Variants in RPS3 observed in about 807,000 individuals in gnomAD.
RPS3 encodes small ribosomal subunit protein uS3.
Under a neutral mutation model 25.8 loss-of-function variants are expected in RPS3, and 2 were observed. The observed-to-expected ratio is 0.08, with a 90% confidence interval of 0.03 to 0.24. The LOEUF is 0.24. RPS3 is among the 10% of genes least tolerant of loss of function. The pLI, the probability that RPS3 is intolerant of heterozygous loss-of-function variation, is 1.00. For missense variants in RPS3, 107 were observed against 307.1 expected (o/e 0.35, Z 4.87); for synonymous variants, 114 against 114.2 (o/e 1.00, Z 0.01).
At chr11:75,417,765 A>G (rs1948411434) in intron 6 of RPS3, among the ~76,000 whole-genome samples, 1 of 152,176 alleles carries the variant, frequency 6.6e-6, no homozygotes, top group Admixed American at 6.5e-5. Flanking sequence ...TCACAGCCCC[A>G]GGCCCTTGCT....
chr11:75,415,677 G>A (rs1948389640), intron 6 of RPS3, among the ~76,000 whole-genome samples: 1 of 152,090 alleles, frequency 6.6e-6, no homozygotes, highest in Non-Finnish European at 1.5e-5. Flanking sequence ...TTGGTGGTGG[G>A]TGCCTGTAAT....
chr11:75,410,543 G>A (rs1284101032), downstream of RPS3, among the ~76,000 whole-genome samples: 1 of 151,858 alleles, frequency 6.6e-6, no homozygotes, highest in African/African-American at 2.4e-5. Flanking sequence ...TATCCCAGAC[G>A]ATGGGCGGCC....
downstream of RPS3, among the ~76,000 whole-genome samples, chr11:75,408,489 A>AC (rs1565166265): frequency 3.6e-4 from 51 of 141,488 alleles, no homozygotes; most frequent in Non-Finnish European, 6.5e-4. Context: ...ATAAAAAAAA[A>AC]ACCCAGATTT....
downstream of RPS3, among the ~76,000 whole-genome samples, chr11:75,407,541 T>G (rs1055970903): frequency 3.9e-5 from 6 of 152,106 alleles, no homozygotes; most frequent in Non-Finnish European, 7.4e-5. Flanking sequence ...GCGCGATCTC[T>G]GCTCACTGCA....
At chr11:75,405,586 C>CT (rs1475023751) in intron 6 of RPS3, 28 bp from the exon 7 acceptor site, 1 of 454,626 alleles carries the variant, frequency 2.2e-6, no homozygotes, top group African/African-American at 2.0e-5. Flanking sequence ...GGTAAAGTTT[C>CT]TTACTTTTGT....
Position 75,404,267 on chromosome 11 carries a change from CATCTT to C in RPS3, c.538+62_538+66del. 6.8e-7 allele frequency: 1 copy of C among 1,470,124 alleles called. No individual in the cohort carries two copies. Among genetic ancestry groups the C allele is most frequent in the Non-Finnish European group, 9.4e-7 (1 of 1,060,814 alleles). 91.1% of individuals were successfully genotyped at this position (1,470,124 alleles called of 1,614,324 possible). ...GTGGACAGATTTGGTTTTCCACAGA[CATCTT>C]AAGTATTTGGGGGAGTTTATCATGG... is the stretch of plus-strand genomic sequence containing the variant. On this transcript the variant is annotated intron_variant, in intron 5 of 6. Transcript: ENST00000531188. This position sits in a 1 kb window ranked among gnomAD's most constrained non-coding sequence, Gnocchi z 4.6.
intron 6 of RPS3, among the ~76,000 whole-genome samples, chr11:75,415,757 T>C (rs1347368574): frequency 1.4e-5 from 2 of 143,380 alleles, no homozygotes; most frequent in Non-Finnish European, 3.0e-5. Context: ...GGTGAGCCGA[T>C]ATCGTGCCAC....
intron 6 of RPS3, among the ~76,000 whole-genome samples, chr11:75,414,914 CT>C (rs771946549): frequency 2.6e-5 from 4 of 152,326 alleles, no homozygotes; most frequent in Middle Eastern, 3.4e-3. Context: ...CAGACAGAAG[CT>C]GGGCTGGCAA....
At chr11:75,413,608 T>C (rs1948375234) in intron 6 of RPS3, among the ~76,000 whole-genome samples, 1 of 152,178 alleles carries the variant, frequency 6.6e-6, no homozygotes, top group South Asian at 2.1e-4. Context: ...ACTGAATGTG[T>C]GTATTTTTAT....
At chr11:75,401,940 G>C (rs1248634247) in intron 3 of RPS3, 7 of 577,308 alleles carry the variant, frequency 1.2e-5, no homozygotes, top group Non-Finnish European at 2.2e-5. Context: ...CTTGGGTATA[G>C]AAATGATGCA....
At chr11:75,411,341 C>G (rs534281199), downstream of RPS3, among the ~76,000 whole-genome samples, 28 of 151,604 alleles carry the variant, frequency 1.8e-4, no homozygotes, top group Non-Finnish European at 3.5e-4. Context: ...TAATTGCCTC[C>G]CTAGACAGTA....
intron 1 of RPS3, 42 bp from the exon 2 acceptor site, chr11:75,400,652 A>G: frequency 1.2e-6 from 2 of 1,604,308 alleles, no homozygotes; most frequent in Non-Finnish European, 1.7e-6. Context: ...AAGTGAGCCT[A>G]CACCGATCTC....
At chr11:75,420,182 G>A (rs1036796633) in intron 6 of RPS3, among the ~76,000 whole-genome samples, 13 of 152,176 alleles carry the variant, frequency 8.5e-5, no homozygotes, top group Non-Finnish European at 1.8e-4. Context: ...TGGACTGAGT[G>A]TCCAAAGTGC....
downstream of RPS3, among the ~76,000 whole-genome samples, chr11:75,409,204 T>C: frequency 6.7e-6 from 1 of 149,658 alleles, no homozygotes; most frequent in Non-Finnish European, 1.5e-5. Flanking sequence ...TTTATTTTTT[T>C]ATTGATCATT....
At chr11:75,399,637 G>A in intron 1 of RPS3, 60 bp downstream of exon 1, 1 of 1,498,502 alleles carries the variant, frequency 6.7e-7, no homozygotes. Flanking sequence ...AGGGCTTCTC[G>A]GGGTGCCACC....
intron 3 of RPS3, chr11:75,401,936 T>G (rs888811537): frequency 1.7e-6 from 1 of 577,480 alleles, no homozygotes; most frequent in Non-Finnish European, 3.1e-6. Context: ...TCAACTTGGG[T>G]ATAGAAATGA....
In RPS3 at chr11:75,404,725, A is replaced by G; in HGVS notation, c.592A>G (p.Ile198Val). The change falls in exon 6 of 7, where the codon ATT (isoleucine) becomes GTT (valine). Residue 198 changes from isoleucine to valine, a missense_variant. Physicochemically the swap from Ile to Val is conservative, Grantham distance 29. Coordinates refer to ENST00000531188, the MANE Select transcript of RPS3 (RefSeq NM_001005.5). The surrounding 1 kb of genome is among the most constrained non-coding windows in gnomAD (Gnocchi z 4.6). ...GCTGCCCTGGGACCCAACTGGTAAGATTGGCCCTAAGAAGCCCCTGCCTGA... is the reference window on the plus strand; with the variant it reads ...GCTGCCCTGGGACCCAACTGGTAAGGTTGGCCCTAAGAAGCCCCTGCCTGA... Reference protein sequence around the residue: ...IMLPWDPTGKIGPKKPLPDHV... With the variant: ...IMLPWDPTGKVGPKKPLPDHV... The G allele has an allele frequency of 3.1e-6, 5 of 1,613,444 alleles. No individual in the cohort carries two copies. Among genetic ancestry groups the G allele is most frequent in the Non-Finnish European group, 4.2e-6 (5 of 1,179,994 alleles).
At position 75,406,676 on chromosome 11, in the gene RPS3, C is replaced by G. The variant is rs1327832054; in HGVS notation, c.*1066C>G. On this transcript the variant is annotated 3_prime_UTR_variant, in exon 7 of 7. Transcript: ENST00000531188. ...ATCTTAACCATTTAAGTGTACACTTCTATAGTGACAGAGTTAGCCCTCTGT... is the reference window on the plus strand; with the variant it reads ...ATCTTAACCATTTAAGTGTACACTTGTATAGTGACAGAGTTAGCCCTCTGT... 1.3e-5 allele frequency: 2 copies of G among 152,138 alleles called. No homozygotes were observed. Among genetic ancestry groups the G allele is most frequent in the South Asian group, 2.1e-4 (1 of 4,828 alleles). The allele number at this position is 152,138 out of a possible 1,614,324, so 9.4% of individuals were successfully genotyped here.
intron 6 of RPS3, among the ~76,000 whole-genome samples, chr11:75,419,977 A>T (rs1413526012): frequency 6.6e-6 from 1 of 152,262 alleles, no homozygotes; most frequent in African/African-American, 2.4e-5. Flanking sequence ...AAATATCCTT[A>T]CAAATAGAAC....
Sources: gnomAD v4.1 joint callset for allele counts (sites outside exome capture counted in the v4.1 genomes callset) on GRCh38, gnomAD v4.1.1 for gene constraint, Gnocchi (gnomAD v3.1) non-coding constraint, MANE v1.5 for transcripts, NCBI Gene and HGNC (gene_info 2026-07-23, HGNC 2026-07-21) for gene names.